The following ANK3 variants were observed in gnomAD, a reference collection of about 807,000 sequenced individuals.
ANK3 encodes the protein ankyrin 3.
Under a neutral mutation model 370.9 loss-of-function variants are expected in ANK3, and 57 were observed. The observed-to-expected ratio is 0.15, with a 90% CI of 0.12 to 0.19. The LOEUF (loss-of-function observed/expected upper bound fraction) is 0.19, where lower values mean the gene tolerates loss of function less well. Ranked by LOEUF, ANK3 falls within the 10% of genes least tolerant of loss-of-function variation. The pLI, the probability that ANK3 is intolerant of heterozygous loss-of-function variation, is 1.00. For missense variants in ANK3, 4,439 were observed against 5,302.1 expected (o/e 0.84, Z 5.06); for synonymous variants, 1,929 against 1,946.3 (o/e 0.99, Z 0.23).
In ANK3 at chr10:60,044,414, C is replaced by G. The variant is rs189069380; in HGVS notation, c.13066-1655G>C. 5.4e-5 allele frequency: 42 copies of G among 782,182 alleles called. No individual in the cohort carries two copies. The African/African-American group carries it at 7.5e-4, about 14-fold the overall frequency. 48.5% of individuals were successfully genotyped at this position (782,182 alleles called of 1,614,324 possible). ...AGAAATCTCCACACTACTCCAAACA[C>G]CACACACATGCTCTGGAATTTTAGA... is the stretch of plus-strand genomic sequence containing the variant. On this transcript the variant is annotated intron_variant, in intron 42 of 43. Coordinates refer to ENST00000280772, the MANE Select transcript of ANK3 (RefSeq NM_020987.5).
chr10:60,111,768 T>G (rs1367568260), intron 26 of ANK3: 3 of 456,110 alleles, frequency 6.6e-6, no homozygotes, highest in South Asian at 4.7e-5. Context: ...GAAGAATAGC[T>G]GCAAAATAAT....
intron 12 of ANK3, among the ~76,000 whole-genome samples, chr10:60,201,451 A>G (rs1369895091): frequency 5.3e-5 from 8 of 152,136 alleles, no homozygotes; most frequent in African/African-American, 2.4e-5. Flanking sequence ...TATTATGTCT[A>G]TGGTCTGTTG....
chr10:60,615,756 T>C (rs2078259685), intron 1 of ANK3, among the ~76,000 whole-genome samples: 1 of 152,186 alleles, frequency 6.6e-6, no homozygotes, highest in Non-Finnish European at 1.5e-5. Flanking sequence ...AAAAGTCTGA[T>C]TATGCAAGAG....
intron 38 of ANK3, among the ~76,000 whole-genome samples, chr10:60,066,148 T>C (rs1298800974): frequency 6.6e-6 from 1 of 152,202 alleles, no homozygotes; most frequent in Non-Finnish European, 1.5e-5. Context: ...CATCTCTGTG[T>C]CTTAAGAGAC....
chr10:60,536,712 A>G (rs2133208711), intron 2 of ANK3, among the ~76,000 whole-genome samples: 1 of 152,168 alleles, frequency 6.6e-6, no homozygotes, highest in Middle Eastern at 3.4e-3. Context: ...GCATCCACCC[A>G]GTTAACTGTG....
At chr10:60,267,433 A>C (rs750091534) in intron 5 of ANK3, among the ~76,000 whole-genome samples, 30 of 152,360 alleles carry the variant, frequency 2.0e-4, no homozygotes, top group Middle Eastern at 3.4e-3. Context: ...CTCCCTGAAG[A>C]CATGAACGTG....
At chr10:60,585,879 C>T (rs542418613) in intron 2 of ANK3, among the ~76,000 whole-genome samples, 1 of 152,136 alleles carries the variant, frequency 6.6e-6, no homozygotes, top group Admixed American at 6.5e-5. Context: ...CAAAAATTAG[C>T]TCGACGTGGT....
chr10:60,459,120 G>C (rs543370250), intron 2 of ANK3, among the ~76,000 whole-genome samples: 1 of 152,048 alleles, frequency 6.6e-6, no homozygotes, highest in African/African-American at 2.4e-5. Context: ...TGACAGAATC[G>C]GCTTACGAGG....
chr10:60,105,372 T>G (rs2092023582), intron 28 of ANK3, among the ~76,000 whole-genome samples: 1 of 152,110 alleles, frequency 6.6e-6, no homozygotes, highest in South Asian at 2.1e-4. Flanking sequence ...TATACCAGTC[T>G]TACTAGGTCA....
intron 1 of ANK3, among the ~76,000 whole-genome samples, chr10:60,645,481 T>C (rs988935640): frequency 1.3e-5 from 2 of 152,062 alleles, no homozygotes; most frequent in Non-Finnish European, 2.9e-5. Flanking sequence ...TCCCAGGACT[T>C]TGGGAGGCTG....
chr10:60,722,860 A>G (rs991403390), intron 1 of ANK3, among the ~76,000 whole-genome samples: 2 of 152,184 alleles, frequency 1.3e-5, no homozygotes, highest in African/African-American at 4.8e-5. Context: ...GCCTTCCAGC[A>G]AAATTGGAAG....
intron 1 of ANK3, among the ~76,000 whole-genome samples, chr10:60,701,490 T>A (rs577873777): frequency 6.6e-6 from 1 of 152,188 alleles, no homozygotes; most frequent in Admixed American, 6.5e-5. Context: ...GGACTATTTA[T>A]AATAGCACAA....
intron 28 of ANK3, among the ~76,000 whole-genome samples, chr10:60,089,423 C>G (rs1023055212): frequency 6.6e-6 from 1 of 151,590 alleles, no homozygotes; most frequent in Non-Finnish European, 1.5e-5. Context: ...GACCACCTCC[C>G]AACCAACTCA....
chr10:60,633,006 T>A (rs889139560), intron 1 of ANK3, among the ~76,000 whole-genome samples: 3 of 152,226 alleles, frequency 2.0e-5, no homozygotes, highest in African/African-American at 7.2e-5. Context: ...ATTGTCTCTA[T>A]TAGGTATTTC....
intron 23 of ANK3, chr10:60,145,989 C>T (rs1259465169): frequency 9.5e-7 from 1 of 1,051,134 alleles, no homozygotes; most frequent in Non-Finnish European, 1.4e-6. Context: ...AACTCTTGTA[C>T]CTTGGGAATT....
intron 2 of ANK3, among the ~76,000 whole-genome samples, chr10:60,545,236 C>A (rs2133222374): frequency 6.6e-6 from 1 of 151,952 alleles, no homozygotes; most frequent in South Asian, 2.1e-4. Flanking sequence ...GAAGCCAAAT[C>A]ATACAAGAAA....
chr10:60,553,935 C>T (rs919140565), intron 2 of ANK3, among the ~76,000 whole-genome samples: 2 of 152,098 alleles, frequency 1.3e-5, no homozygotes, highest in African/African-American at 2.4e-5. Flanking sequence ...TTGGTTGTTT[C>T]GACCCATGCT....
chr10:60,426,971 T>C (rs1272038755), intron 2 of ANK3, among the ~76,000 whole-genome samples: 1 of 152,146 alleles, frequency 6.6e-6, no homozygotes, highest in Non-Finnish European at 1.5e-5. Context: ...GGTTCTCTTC[T>C]GTAAAACTGA....
intron 2 of ANK3, among the ~76,000 whole-genome samples, chr10:60,597,320 A>G (rs1179115817): frequency 2.0e-5 from 3 of 152,196 alleles, no homozygotes; most frequent in Non-Finnish European, 4.4e-5. Context: ...CAAATAAAAC[A>G]GACTGCCGAG....
Sources: allele counts gnomAD v4.1 joint callset (sites outside exome capture counted in the v4.1 genomes callset), GRCh38; gene constraint gnomAD v4.1.1; transcripts MANE v1.5; gene names NCBI Gene and HGNC (gene_info 2026-07-23, HGNC 2026-07-21).